The following TAFA2 variants were observed in gnomAD, a reference collection of about 807,000 sequenced individuals.
The protein encoded by TAFA2 is TAFA chemokine like family member 2, also known as chemokine-like protein TAFA-2.
TAFA2 carries 7 observed loss-of-function variants against 18.8 expected under a neutral mutation model. The observed-to-expected ratio is 0.37, with a 90% CI of 0.21 to 0.70. The LOEUF is 0.70. TAFA2 is among the 30% of genes least tolerant of loss of function. TAFA2 has a pLI of 0.53. For missense variants in TAFA2, 122 were observed against 158.1 expected (o/e 0.77, Z 1.23); for synonymous variants, 60 against 54.2 (o/e 1.11, Z -0.47).
chr12:61,725,069 G>A (rs1305999622), intron 4 of TAFA2, among the ~76,000 whole-genome samples: 1 of 151,746 alleles, frequency 6.6e-6, no homozygotes, highest in African/African-American at 2.4e-5. Flanking sequence ...ATGTTTTTAT[G>A]TTTGTTGGCA....
In TAFA2 at chr12:62,256,404, A is replaced by G. The variant is rs578162523; in HGVS notation, c.-130+2359T>C. Among the ~76,000 whole-genome samples, 18 of 152,316 alleles carry G rather than the reference A, an allele frequency of 1.2e-4. No homozygotes were observed. The South Asian group carries it at 3.7e-3, about 32-fold the overall frequency. ...TTTGCTCTAATTTTTTTAAATTTAG[A>G]CCTTTAATTGGGATAGACAGCTCAA... On this transcript the variant is annotated intron_variant, in intron 1 of 5. Coordinates refer to the TAFA2 transcript ENST00000551619.
chr12:62,246,820 T>A (rs1299158240), intron 1 of TAFA2, among the ~76,000 whole-genome samples: 1 of 152,188 alleles, frequency 6.6e-6, no homozygotes, highest in African/African-American at 2.4e-5. Flanking sequence ...AAACCAGTAT[T>A]CTTTCATCTT....
At chr12:62,024,264 A>G (rs1317896288) in intron 1 of TAFA2, among the ~76,000 whole-genome samples, 1 of 152,140 alleles carries the variant, frequency 6.6e-6, no homozygotes, top group African/African-American at 2.4e-5. Context: ...AATCCACCGT[A>G]TAAGTAACCT....
chr12:62,234,407 C>T (rs73135204), intron 1 of TAFA2: 71,201 of 703,344 alleles, frequency 0.1, 4,057 homozygotes, highest in Middle Eastern at 0.18. Context: ...GGAACAGGAC[C>T]GTCCTGCTGT....
chr12:61,820,753 C>G (rs1441134977), intron 2 of TAFA2, among the ~76,000 whole-genome samples: 1 of 151,744 alleles, frequency 6.6e-6, no homozygotes, highest in Non-Finnish European at 1.5e-5. Context: ...AGCTTTTTTC[C>G]CCAGCTAGAA....
rs527366674 is a variant in TAFA2, at chr12:61,812,861, C to A, written c.106+54459G>T. On this transcript the variant is annotated intron_variant, in intron 2 of 4. Coordinates refer to ENST00000416284, the MANE Select transcript of TAFA2 (RefSeq NM_178539.5). ...CTGGGATTACAGGCATGAGCCACCA[C>A]GCCCAGCCAACTTTTCTTTTCAATA... 1.9e-4 allele frequency among the ~76,000 whole-genome samples: 29 copies of A among 151,518 alleles called. 1 individual carries two copies. Among genetic ancestry groups the A allele is most frequent in the African/African-American group, 7.1e-4 (29 of 40,818 alleles).
intron 1 of TAFA2, among the ~76,000 whole-genome samples, chr12:62,090,874 A>C (rs1469821906): frequency 6.6e-6 from 1 of 151,978 alleles, no homozygotes; most frequent in East Asian, 1.9e-4. Context: ...AAGGATAACT[A>C]GTTTGGGCCA....
At position 61,977,118 on chromosome 12, in the gene TAFA2, A is replaced by G. The variant is rs544679029; in HGVS notation, c.-1-109692T>C. On this transcript the variant is annotated intron_variant, in intron 1 of 4. Transcript: ENST00000416284. ...AAATGGGGTCATTTAAAAACTTTTC[A>G]ATGCACAAAACATATTGCAGCATTT... Among the ~76,000 whole-genome samples, 3 of 152,156 alleles carry G rather than the reference A, an allele frequency of 2.0e-5. No individual in the cohort carries two copies. In the East Asian group the frequency reaches 5.8e-4, roughly 30 times the overall value.
chr12:62,077,074 T>C (rs1868254386), intron 1 of TAFA2, among the ~76,000 whole-genome samples: 1 of 152,346 alleles, frequency 6.6e-6, no homozygotes, highest in Admixed American at 6.5e-5. Context: ...CCTAGATAAT[T>C]ATTTATGGAT....
At chr12:62,060,385 A>G (rs1274095525) in intron 1 of TAFA2, among the ~76,000 whole-genome samples, 1 of 152,244 alleles carries the variant, frequency 6.6e-6, no homozygotes, top group East Asian at 1.9e-4. Context: ...TCCTAGATCA[A>G]TGCATTACTC....
At chr12:62,019,271 T>C (rs1366916573) in intron 1 of TAFA2, among the ~76,000 whole-genome samples, 1 of 152,102 alleles carries the variant, frequency 6.6e-6, no homozygotes, top group African/African-American at 2.4e-5. Context: ...GTGTGGCGAT[T>C]CCTCAGGGAT....
At chr12:62,197,364 C>T (rs573002973), upstream of TAFA2, among the ~76,000 whole-genome samples, 5 of 152,332 alleles carry the variant, frequency 3.3e-5, no homozygotes, top group East Asian at 9.6e-4. Context: ...GATTGTAACT[C>T]TATCATAGCT....
chr12:61,956,653 G>C (rs2121467377), intron 1 of TAFA2, among the ~76,000 whole-genome samples: 1 of 148,682 alleles, frequency 6.7e-6, no homozygotes, highest in South Asian at 2.1e-4. Flanking sequence ...AAAAACAGGT[G>C]TGACAATCAT....
intron 1 of TAFA2, among the ~76,000 whole-genome samples, chr12:62,174,423 G>A (rs1008813555): frequency 2.6e-5 from 4 of 152,162 alleles, no homozygotes; most frequent in Admixed American, 6.6e-5. Flanking sequence ...AGCCAGCAAG[G>A]AGGCTTTAAA....
chr12:62,169,038 T>C (rs2062459493), intron 1 of TAFA2, among the ~76,000 whole-genome samples: 1 of 152,034 alleles, frequency 6.6e-6, no homozygotes, highest in Non-Finnish European at 1.5e-5. Flanking sequence ...GATTAGCTAT[T>C]TGATAATGTT....
At chr12:62,158,097 A>C (rs1487870687) in intron 1 of TAFA2, among the ~76,000 whole-genome samples, 5 of 152,226 alleles carry the variant, frequency 3.3e-5, no homozygotes, top group African/African-American at 9.6e-5. Flanking sequence ...AAAAGTCAAT[A>C]CATTCATGGT....
chr12:61,869,724 A>G (rs993891741), intron 1 of TAFA2, among the ~76,000 whole-genome samples: 1 of 152,158 alleles, frequency 6.6e-6, no homozygotes, highest in Admixed American at 6.5e-5. Flanking sequence ...TTCTCAGTAA[A>G]CCAAATGTCA....
intron 1 of TAFA2, among the ~76,000 whole-genome samples, chr12:62,104,038 C>T (rs866576463): frequency 1.3e-5 from 2 of 152,246 alleles, no homozygotes; most frequent in Middle Eastern, 3.4e-3. Flanking sequence ...CCACAAGTCA[C>T]CTTTGAGTTG....
At chr12:61,972,679 A>G (rs1300487168) in intron 1 of TAFA2, among the ~76,000 whole-genome samples, 1 of 151,730 alleles carries the variant, frequency 6.6e-6, no homozygotes, top group African/African-American at 2.4e-5. Flanking sequence ...CTTTTTTAAA[A>G]GATCAAATAA....
Sources: allele counts gnomAD v4.1 joint callset (sites outside exome capture counted in the v4.1 genomes callset), GRCh38; gene constraint gnomAD v4.1.1; transcripts MANE v1.5; gene names NCBI Gene and HGNC (gene_info 2026-07-23, HGNC 2026-07-21).